The following PLAAT1 variants were observed in gnomAD, a reference collection of about 807,000 sequenced individuals.
PLAAT1 encodes the protein phospholipase A and acyltransferase 1.
PLAAT1 carries 13 observed loss-of-function variants against 16.4 expected under a neutral mutation model. That is an observed-to-expected ratio of 0.79 (90% CI 0.52 to 1.26). The LOEUF is 1.26. Among genes scored for constraint, PLAAT1 ranks in the 50% most tolerant of loss-of-function variants. The pLI is 0.00. For missense variants in PLAAT1, 218 were observed against 207.8 expected, an observed-to-expected ratio of 1.05 and a Z score of -0.30; for synonymous variants, 73 against 78.4, an observed-to-expected ratio of 0.93 and a Z score of 0.36.
chr3:193,244,148 G>A (rs911976299), intron 1 of PLAAT1, among the ~76,000 whole-genome samples: 3 of 151,964 alleles, frequency 2.0e-5, no homozygotes, highest in African/African-American at 7.3e-5. Flanking sequence ...AGGTCATCTT[G>A]GTTGTTTCCA....
chr3:193,275,126 G>C, downstream of PLAAT1: 1 of 1,614,160 alleles, frequency 6.2e-7, no homozygotes, highest in East Asian at 2.2e-5. Flanking sequence ...GGCTTTCATA[G>C]CCTCCGTTGA....
intron 2 of PLAAT1, among the ~76,000 whole-genome samples, chr3:193,276,304 G>A (rs921885738): frequency 6.6e-5 from 10 of 152,256 alleles, no homozygotes; most frequent in East Asian, 1.9e-4. Flanking sequence ...AAGAAACACC[G>A]TAAGAGGAAG....
intron 3 of PLAAT1, among the ~76,000 whole-genome samples, chr3:193,265,081 T>C (rs933565685): frequency 3.9e-5 from 6 of 152,210 alleles, no homozygotes; most frequent in African/African-American, 1.2e-4. Context: ...ATAACTGCTT[T>C]GGAAACCATT....
chr3:193,241,699 C>G (rs1715755818), intron 1 of PLAAT1, among the ~76,000 whole-genome samples, 166 bp downstream of exon 1: 2 of 152,328 alleles, frequency 1.3e-5, no homozygotes, highest in South Asian at 4.1e-4. Context: ...AAGAGACTTT[C>G]TTCCCTAGGT....
downstream of PLAAT1, among the ~76,000 whole-genome samples, chr3:193,273,150 ATAT>A (rs1717043860): frequency 6.6e-6 from 1 of 152,204 alleles, no homozygotes; most frequent in Non-Finnish European, 1.5e-5. Context: ...TGCTATTGAA[ATAT>A]TATACAGTGT....
At chr3:193,270,904 G>A (rs552164093), downstream of PLAAT1, 3,610 of 1,164,394 alleles carry the variant, frequency 3.1e-3, 13 homozygotes, top group Middle Eastern at 6.8e-3. Context: ...GATGTACTGT[G>A]GCAGCTTGAA....
chr3:193,258,773 A>G (rs1716474067), intron 2 of PLAAT1, among the ~76,000 whole-genome samples: 1 of 152,042 alleles, frequency 6.6e-6, no homozygotes, highest in Non-Finnish European at 1.5e-5. Context: ...TAAAAAAACT[A>G]CCAACCGAAA....
chr3:193,261,787 T>A (rs1264896940), intron 2 of PLAAT1, among the ~76,000 whole-genome samples: 5 of 152,244 alleles, frequency 3.3e-5, no homozygotes, highest in Non-Finnish European at 5.9e-5. Context: ...TGATACATTT[T>A]CCAAGCCAGT....
downstream of PLAAT1, among the ~76,000 whole-genome samples, chr3:193,271,668 A>G (rs1295171950): frequency 6.6e-6 from 1 of 152,230 alleles, no homozygotes; most frequent in Non-Finnish European, 1.5e-5. Context: ...CTACACCACC[A>G]GCCAATGACA....
intron 2 of PLAAT1, among the ~76,000 whole-genome samples, chr3:193,257,813 C>T (rs542251361): frequency 1.3e-5 from 2 of 152,056 alleles, no homozygotes; most frequent in African/African-American, 2.4e-5. Flanking sequence ...GGCAGAGGAA[C>T]GTGGAAAAAT....
At chr3:193,275,341 A>C, downstream of PLAAT1, 1 of 1,601,574 alleles carries the variant, frequency 6.2e-7, no homozygotes, top group Non-Finnish European at 8.5e-7. Context: ...TTTATTGCGC[A>C]GGTCCCCCTG....
At chr3:193,253,917 G>C (rs1716285157) in intron 1 of PLAAT1, among the ~76,000 whole-genome samples, 1 of 152,076 alleles carries the variant, frequency 6.6e-6, no homozygotes, top group African/African-American at 2.4e-5. Flanking sequence ...ACTAGAAAGT[G>C]CTCCCCGTTC....
At chr3:193,257,991 T>G (rs533867724) in intron 2 of PLAAT1, among the ~76,000 whole-genome samples, 1 of 152,186 alleles carries the variant, frequency 6.6e-6, no homozygotes, top group Non-Finnish European at 1.5e-5. Context: ...ACTGTCAGCT[T>G]ACCTACTTTT....
downstream of PLAAT1, chr3:193,279,474 T>C: frequency 6.3e-7 from 1 of 1,585,106 alleles, no homozygotes; most frequent in African/African-American, 1.3e-5. Context: ...TACCAAACAT[T>C]ATTTTTAGAT....
rs200628731 is a variant in PLAAT1, at chr3:193,262,996, G to T, written c.166G>T (p.Ala56Ser). ...VDGIPASFTS[A>S]KSVFSSKALV... The stretch of plus-strand genomic sequence containing the variant: ...TGGCATTCCTGCGTCCTTTACAAGC[G>T]CCAAGTCTGTATTCAGCAGTAAGGC... The change falls in exon 3 of 4, where the codon GCC (alanine) becomes TCC (serine). Residue 56 changes from alanine (A) to serine (S), a missense_variant. Coordinates refer to ENST00000264735, the MANE Select transcript of PLAAT1 (RefSeq NM_020386.5). The T allele has an allele frequency of 3.1e-6, 5 of 1,614,120 alleles. No homozygotes were observed. In the Admixed American group the frequency reaches 6.7e-5, roughly 22 times the overall value.
intron 1 of PLAAT1, among the ~76,000 whole-genome samples, chr3:193,243,765 A>G (rs1715869330): frequency 6.6e-6 from 1 of 152,166 alleles, no homozygotes; most frequent in African/African-American, 2.4e-5. Context: ...CATCTGTAAA[A>G]TGGTCACCAC....
chr3:193,272,601 C>T (rs1717021225), downstream of PLAAT1, among the ~76,000 whole-genome samples: 2 of 152,180 alleles, frequency 1.3e-5, no homozygotes, highest in Non-Finnish European at 2.9e-5. Flanking sequence ...AGGGGAATTA[C>T]TACACCCACC....
chr3:193,242,678 T>C (rs1238106874), intron 1 of PLAAT1, among the ~76,000 whole-genome samples: 1 of 152,144 alleles, frequency 6.6e-6, no homozygotes, highest in African/African-American at 2.4e-5. Flanking sequence ...ATAGTTAATT[T>C]GGCCAAGGAG....
rs73196857 is a variant in PLAAT1, at chr3:193,244,232, G to T, written c.-1+2699G>T. On this transcript the variant is annotated intron_variant, in intron 1 of 3. Coordinates refer to ENST00000264735, the MANE Select transcript of PLAAT1 (RefSeq NM_020386.5). ...TTTTGGGTGGCTATAAATCTTCATT[G>T]TCTTTATTCTCAGGGGTAAATGCCT... Among the ~76,000 whole-genome samples the T allele has an allele frequency of 0.016, 2,496 of 152,124 alleles. 174 individuals are homozygous for T. The East Asian group carries it at 0.23, about 14-fold the overall frequency.
Sources: allele counts gnomAD v4.1 joint callset (sites outside exome capture counted in the v4.1 genomes callset), GRCh38; gene constraint gnomAD v4.1.1; transcripts MANE v1.5; gene names NCBI Gene and HGNC (gene_info 2026-07-23, HGNC 2026-07-21).